The following APBA1 variants were observed in gnomAD, a reference collection of about 807,000 sequenced individuals.
APBA1 encodes amyloid-beta A4 precursor protein-binding family A member 1.
In APBA1, 55 loss-of-function variants were observed where a neutral mutation model predicts 86.6. The ratio of observed to expected loss-of-function variants is 0.64; its 90% CI spans 0.51 to 0.80. The LOEUF (loss-of-function observed/expected upper bound fraction) is 0.80, where lower values mean the gene tolerates loss of function less well. APBA1 is among the 30% of genes least tolerant of loss of function. The pLI is 0.00. For missense variants in APBA1, 1,090 were observed against 1,183.0 expected (o/e 0.92, Z 1.15); for synonymous variants, 511 against 493.9 (o/e 1.03, Z -0.46).
chr9:69,537,165 T>C (rs768905085), intron 1 of APBA1, among the ~76,000 whole-genome samples: 3 of 151,828 alleles, frequency 2.0e-5, no homozygotes, highest in Non-Finnish European at 2.9e-5. Context: ...TATTTTTCTT[T>C]TTTTCTGGGT....
intron 1 of APBA1, among the ~76,000 whole-genome samples, chr9:69,661,341 G>C (rs923309272): frequency 1.3e-5 from 2 of 152,166 alleles, no homozygotes; most frequent in Non-Finnish European, 2.9e-5. Flanking sequence ...TGAAGGAAGT[G>C]AGACATCTAC....
chr9:69,554,166 C>T lies in APBA1; in HGVS notation c.-69-36887G>A, dbSNP rs541586667. Among the ~76,000 whole-genome samples the T allele has an allele frequency of 2.0e-4, 30 of 152,274 alleles. 1 individual carries two copies. The South Asian group carries it at 5.8e-3, about 29-fold the overall frequency. On this transcript the variant is annotated intron_variant, in intron 1 of 12. Transcript: ENST00000265381. ...TGTTTACAGTGTCAATAAAATGCTACGGAAATATTAATGGTAATAGCATAC... is the reference window on the plus strand; with the variant it reads ...TGTTTACAGTGTCAATAAAATGCTATGGAAATATTAATGGTAATAGCATAC...
intron 1 of APBA1, among the ~76,000 whole-genome samples, chr9:69,561,902 C>A (rs1836951793): frequency 6.6e-6 from 1 of 152,164 alleles, no homozygotes; most frequent in African/African-American, 2.4e-5. Flanking sequence ...ACTGGGATTA[C>A]AGGCATGAGC....
chr9:69,577,611 G>A (rs1034494232), intron 1 of APBA1, among the ~76,000 whole-genome samples: 20 of 152,190 alleles, frequency 1.3e-4, no homozygotes, highest in African/African-American at 4.6e-4. Context: ...AGAAACCACA[G>A]GAGGGAAATG....
At chr9:69,646,697 C>T (rs1048167135) in intron 1 of APBA1, among the ~76,000 whole-genome samples, 1 of 152,236 alleles carries the variant, frequency 6.6e-6, no homozygotes, top group Non-Finnish European at 1.5e-5. Context: ...GGGCTGAGAG[C>T]ATGAGTGACA....
chr9:69,648,542 C>T (rs1417554334), intron 1 of APBA1, among the ~76,000 whole-genome samples: 3 of 152,100 alleles, frequency 2.0e-5, no homozygotes, highest in Non-Finnish European at 4.4e-5. Flanking sequence ...GTTCATTTCA[C>T]CAGTGGGCAA....
intron 2 of APBA1, among the ~76,000 whole-genome samples, chr9:69,488,045 T>G (rs34006868): frequency 0.063 from 9,584 of 151,972 alleles, 418 homozygotes; most frequent in East Asian, 0.11. Context: ...GAGGGGAAAG[T>G]TGGAGTCTTT....
chr9:69,596,656 T>G (rs1308558906), intron 1 of APBA1, among the ~76,000 whole-genome samples: 1 of 152,190 alleles, frequency 6.6e-6, no homozygotes, highest in African/African-American at 2.4e-5. Flanking sequence ...TCCACAGATG[T>G]TGCATTCTGT....
intron 1 of APBA1, among the ~76,000 whole-genome samples, chr9:69,594,021 C>T (rs1358644762): frequency 2.0e-5 from 3 of 152,034 alleles, no homozygotes; most frequent in East Asian, 1.9e-4. Flanking sequence ...CGTTAGATTC[C>T]GTAGGTCTTC....
At chr9:69,566,244 C>T (rs1293693340) in intron 1 of APBA1, among the ~76,000 whole-genome samples, 2 of 152,202 alleles carry the variant, frequency 1.3e-5, no homozygotes, top group Non-Finnish European at 1.5e-5. Flanking sequence ...TCATCAACAA[C>T]ATTCTCATGT....
chr9:69,671,579 G>T (rs1435259877), intron 1 of APBA1, among the ~76,000 whole-genome samples: 1 of 152,260 alleles, frequency 6.6e-6, no homozygotes, highest in Admixed American at 6.5e-5. Flanking sequence ...CAGATCTCTG[G>T]ATTTGGGGCG....
At chr9:69,505,620 T>G (rs1322624831) in intron 2 of APBA1, among the ~76,000 whole-genome samples, 1 of 152,078 alleles carries the variant, frequency 6.6e-6, no homozygotes, top group Non-Finnish European at 1.5e-5. Context: ...ACCCTCCAAC[T>G]TACACTGTGT....
At chr9:69,442,307 C>T (rs1337973796) in intron 10 of APBA1, among the ~76,000 whole-genome samples, 2 of 152,196 alleles carry the variant, frequency 1.3e-5, no homozygotes, top group Admixed American at 6.5e-5. Context: ...GTTGTAGCTG[C>T]AGGCCCTGCA....
intron 1 of APBA1, among the ~76,000 whole-genome samples, chr9:69,579,294 C>G (rs1588375117): frequency 6.6e-6 from 1 of 152,112 alleles, no homozygotes; most frequent in African/African-American, 2.4e-5. Context: ...TTTCTTTTCC[C>G]CCTAAGAATG....
intron 1 of APBA1, among the ~76,000 whole-genome samples, chr9:69,567,984 TC>T (rs1281865256): frequency 6.6e-6 from 1 of 152,046 alleles, no homozygotes; most frequent in Non-Finnish European, 1.5e-5. Context: ...CCCAGAAAAC[TC>T]CCATCACCAC....
At chr9:69,532,532 C>T (rs899255261) in intron 1 of APBA1, among the ~76,000 whole-genome samples, 2 of 152,198 alleles carry the variant, frequency 1.3e-5, no homozygotes, top group Non-Finnish European at 2.9e-5. Context: ...AGCCCGTCCC[C>T]ACACTCTGGG....
intron 1 of APBA1, among the ~76,000 whole-genome samples, chr9:69,554,576 G>A (rs1315947380): frequency 6.6e-6 from 1 of 152,096 alleles, no homozygotes; most frequent in Non-Finnish European, 1.5e-5. Context: ...GTTTCCAGCG[G>A]CACACAAGGA....
intron 1 of APBA1, among the ~76,000 whole-genome samples, chr9:69,520,950 A>G (rs950471722): frequency 6.6e-6 from 1 of 152,076 alleles, no homozygotes; most frequent in Non-Finnish European, 1.5e-5. Flanking sequence ...ACAAATCTGA[A>G]TCCCATAACC....
chr9:69,432,421 G>T (rs3737175), intron 12 of APBA1, 115 bp downstream of exon 12: 83,252 of 1,090,592 alleles, frequency 0.076, 3,841 homozygotes, highest in East Asian at 0.19. Context: ...GAGTGTTCAG[G>T]ATTGGAAACT....
Sources: gnomAD v4.1 joint callset for allele counts (sites outside exome capture counted in the v4.1 genomes callset) on GRCh38, gnomAD v4.1.1 for gene constraint, MANE v1.5 for transcripts, NCBI Gene and HGNC (gene_info 2026-07-23, HGNC 2026-07-21) for gene names.